The following NAA25 variants were observed in gnomAD, a reference collection of about 807,000 sequenced individuals.
NAA25 encodes the protein N-alpha-acetyltransferase 25, NatB auxiliary subunit.
NAA25 carries 30 observed loss-of-function variants against 132.5 expected under a neutral mutation model. The ratio of observed to expected loss-of-function variants is 0.23; its 90% CI spans 0.17 to 0.31. NAA25 has a LOEUF of 0.31. NAA25 is among the 10% of genes least tolerant of loss of function. The pLI, the probability that NAA25 is intolerant of heterozygous loss-of-function variation, is 1.00. For missense variants in NAA25, 771 were observed against 1,150.4 expected (o/e 0.67, Z 4.77); for synonymous variants, 359 against 401.9 (o/e 0.89, Z 1.28).
chr12:112,030,988 A>T (rs2078142455), intron 23 of NAA25, among the ~76,000 whole-genome samples: 1 of 151,858 alleles, frequency 6.6e-6, no homozygotes, highest in Admixed American at 6.6e-5. Flanking sequence ...TAAGTGACCC[A>T]GGCTGGTCTT....
chr12:112,096,459 C>T (rs1257679533), intron 1 of NAA25, among the ~76,000 whole-genome samples: 1 of 152,186 alleles, frequency 6.6e-6, no homozygotes, highest in Admixed American at 6.5e-5. Flanking sequence ...TTAACTAAAA[C>T]TTAGTCTCAT....
chr12:112,075,040 C>G (rs2078876246), intron 8 of NAA25, among the ~76,000 whole-genome samples: 2 of 152,056 alleles, frequency 1.3e-5, no homozygotes, highest in South Asian at 4.2e-4. Context: ...CCCACATAAG[C>G]ACTTCCAAAA....
intron 12 of NAA25, among the ~76,000 whole-genome samples, 161 bp downstream of exon 12, chr12:112,061,020 C>T (rs535705515): frequency 6.6e-6 from 1 of 152,264 alleles, no homozygotes; most frequent in African/African-American, 2.4e-5. Flanking sequence ...AAACTCCAGG[C>T]TTAAGAAAGG....
chr12:112,054,777 T>C (rs950814995), intron 13 of NAA25, among the ~76,000 whole-genome samples: 3 of 152,190 alleles, frequency 2.0e-5, no homozygotes, highest in Non-Finnish European at 4.4e-5. Flanking sequence ...TTCTTAAACA[T>C]GCCCACAGCA....
At chr12:112,047,850 A>G in intron 16 of NAA25, 60 bp from the exon 17 acceptor site, 1 of 1,487,450 alleles carries the variant, frequency 6.7e-7, no homozygotes, top group Non-Finnish European at 9.1e-7. Flanking sequence ...AAATATTATT[A>G]ATCAGGACTT....
intron 4 of NAA25, among the ~76,000 whole-genome samples, chr12:112,082,656 A>C (rs1420842103): frequency 2.0e-5 from 3 of 152,224 alleles, no homozygotes; most frequent in Non-Finnish European, 1.5e-5. Context: ...AAGGAAGGCA[A>C]AATTGTTCAT....
intron 4 of NAA25, among the ~76,000 whole-genome samples, chr12:112,082,786 CG>C (rs1169461308): frequency 3.5e-4 from 2 of 5,662 alleles, no homozygotes; most frequent in African/African-American, 1.4e-3. Context: ...TGGCAGGGGG[CG>C]GGGGGTGGGG....
At chr12:112,071,829 CTAAT>C in intron 10 of NAA25, 62 bp downstream of exon 10, 1 of 1,125,782 alleles carries the variant, frequency 8.9e-7, no homozygotes, top group Non-Finnish European at 1.2e-6. Context: ...TAGATCTCAA[CTAAT>C]GAATATAGCA....
intron 4 of NAA25, among the ~76,000 whole-genome samples, chr12:112,082,428 A>G (rs1031381888): frequency 1.3e-5 from 2 of 151,834 alleles, no homozygotes; most frequent in African/African-American, 4.8e-5. Context: ...TATGTTAACC[A>G]GGGTGGTGGC....
chr12:112,063,383 G>T (rs1300347315), intron 11 of NAA25, among the ~76,000 whole-genome samples: 23 of 152,132 alleles, frequency 1.5e-4, no homozygotes, highest in Admixed American at 1.4e-3. Context: ...AGTGTGAGTA[G>T]AACAGCCTGG....
At chr12:112,108,380 G>A (rs1046878813) in intron 1 of NAA25, among the ~76,000 whole-genome samples, 2 of 152,210 alleles carry the variant, frequency 1.3e-5, no homozygotes, top group African/African-American at 4.8e-5. Flanking sequence ...TTCCACCTTC[G>A]GGGAGATCTC....
At chr12:112,086,051 AATATAT>A (rs1555238696) in intron 4 of NAA25, among the ~76,000 whole-genome samples, 8 of 37,380 alleles carry the variant, frequency 2.1e-4, no homozygotes, top group South Asian at 1.8e-3. Context: ...AAAAAAAAAA[AATATAT>A]ATATATATAT....
At position 112,043,853 on chromosome 12, in the gene NAA25, T is replaced by C; in HGVS notation, c.2022A>G (p.Glu674=). ...WDPKDRDVSE[E]HKKLSLEEET... is the part of the protein sequence containing the mutation. The stretch of plus-strand genomic sequence containing the variant: ...CCTCCTCTAAGGAAAGTTTCTTATG[T>C]TCTTCAGAAACGTCCCTTAAACAGA... Residue 674 remains glutamate (E), a synonymous_variant, in exon 18 of 24, where the codon GAA becomes GAG. Transcript: ENST00000261745. 6.2e-7 allele frequency: 1 copy of C among 1,613,402 alleles called. No individual in the cohort carries two copies. The highest frequency in any genetic ancestry group is 8.5e-7 in the Non-Finnish European group (1 of 1,179,332).
chr12:112,095,329 C>T (rs1487204239), intron 1 of NAA25, among the ~76,000 whole-genome samples: 4 of 151,398 alleles, frequency 2.6e-5, no homozygotes, highest in African/African-American at 4.9e-5. Context: ...CCCAGCTACT[C>T]GTGAGGCTGA....
At chr12:112,076,055 G>A (rs1489177281) in intron 7 of NAA25, among the ~76,000 whole-genome samples, 1 of 151,948 alleles carries the variant, frequency 6.6e-6, no homozygotes, top group Non-Finnish European at 1.5e-5. Flanking sequence ...GCTAATTTTT[G>A]TATTTTTAGT....
Position 112,108,742 on chromosome 12 carries a change from T to A in NAA25, c.32A>T (p.Asn11Ile). The change falls in exon 1 of 24, where the codon AAC becomes ATC. Residue 11 changes from asparagine (N) to isoleucine (I), a missense_variant. Transcript: ENST00000261745. ...GTAAATGGGCCGGAGGCGCCTGTCG[T>A]TAGGGTCCTGCACATGGCCCCGCGT... is the stretch of plus-strand genomic sequence containing the variant. Reference protein sequence around the residue: MATRGHVQDPNDRRLRPIYDY... With the variant: MATRGHVQDPIDRRLRPIYDY... 6.5e-7 allele frequency: 1 copy of A among 1,530,180 alleles called. No individual in the cohort carries two copies. The highest frequency in any genetic ancestry group is 8.8e-7 in the Non-Finnish European group (1 of 1,136,256). The allele number at this position is 1,530,180 out of a possible 1,614,324, so 94.8% of individuals were successfully genotyped here.
At chr12:112,048,211 A>G in intron 16 of NAA25, 81 bp downstream of exon 16, 3 of 1,373,416 alleles carry the variant, frequency 2.2e-6, no homozygotes, top group South Asian at 2.9e-5. Context: ...AAGCCTGCCA[A>G]TAACACCCAT....
In NAA25 at chr12:112,085,700, G is replaced by A. The variant is rs1316995729; in HGVS notation, c.402+1983C>T. Among the ~76,000 whole-genome samples, 4 of 151,886 alleles carry A rather than the reference G, an allele frequency of 2.6e-5. No individual in the cohort carries two copies. The East Asian group carries it at 7.7e-4, about 29-fold the overall frequency. ...ATATTAAGGATTTATATGTATATAT[G>A]TTAGCATTGCCAATTTTAAAAAATA... On this transcript the variant is annotated intron_variant, in intron 4 of 23. Transcript: ENST00000261745.
intron 8 of NAA25, 54 bp from the exon 9 acceptor site, chr12:112,074,818 T>G: frequency 3.4e-6 from 4 of 1,182,742 alleles, no homozygotes; most frequent in Non-Finnish European, 3.7e-6. Context: ...GTGACAGATC[T>G]TCCTTAGGAA....
Sources: allele counts gnomAD v4.1 joint callset (sites outside exome capture counted in the v4.1 genomes callset), GRCh38; gene constraint gnomAD v4.1.1; transcripts MANE v1.5; gene names NCBI Gene and HGNC (gene_info 2026-07-23, HGNC 2026-07-21).